DAP: variants seen among roughly 807,000 people sequenced by gnomAD.
The protein encoded by DAP is death-associated protein 1.
Under a neutral mutation model 13.8 loss-of-function variants are expected in DAP, and 8 were observed. That is an observed-to-expected ratio of 0.58 (90% CI 0.34 to 1.05). The LOEUF (loss-of-function observed/expected upper bound fraction) is 1.05, where lower values mean the gene tolerates loss of function less well. Ranked by LOEUF, DAP falls within the 50% of genes least tolerant of loss-of-function variation. DAP has a pLI of 0.03. For synonymous variants in DAP, 47 were observed against 47.5 expected, an observed-to-expected ratio of 0.99 and a Z score of 0.04; for missense variants, 106 against 133.2, an observed-to-expected ratio of 0.80 and a Z score of 1.01.
chr5:10,694,646 G>A (rs771616379), intron 2 of DAP, among the ~76,000 whole-genome samples: 15 of 152,228 alleles, frequency 9.9e-5, no homozygotes, highest in African/African-American at 2.4e-4. Context: ...GGTAGTCACA[G>A]TGTGTGCTTA....
chr5:10,740,838 C>T (rs1462226187), intron 2 of DAP, among the ~76,000 whole-genome samples: 2 of 152,150 alleles, frequency 1.3e-5, no homozygotes, highest in Admixed American at 6.5e-5. Flanking sequence ...ATAAAGGACA[C>T]CAGACAGAAT....
In DAP at chr5:10,719,326, T is replaced by TCA. The variant is rs1276273858; in HGVS notation, c.152+28848_152+28849insTG. 2.0e-5 allele frequency among the ~76,000 whole-genome samples: 3 copies of TCA among 152,224 alleles called. No individual in the cohort carries two copies. In the East Asian group the frequency reaches 5.8e-4, roughly 29 times the overall value. ...GGGCTCTGCAACAGGTCCAGGCTGC[T>TCA]ATGCAAGCTGCTCTGTCACTTGGGC... On this transcript the variant is annotated intron_variant, in intron 2 of 3. Coordinates refer to ENST00000230895, the MANE Select transcript of DAP (RefSeq NM_004394.3).
chr5:10,685,009 T>C (rs1172666338), intron 2 of DAP, among the ~76,000 whole-genome samples: 2 of 152,244 alleles, frequency 1.3e-5, no homozygotes, highest in Admixed American at 1.3e-4. Flanking sequence ...CCAGCTCTGC[T>C]TCTCCTCTGC....
chr5:10,746,921 C>T (rs553119756), intron 2 of DAP, among the ~76,000 whole-genome samples: 2 of 152,304 alleles, frequency 1.3e-5, no homozygotes, highest in Admixed American at 6.5e-5. Context: ...ATTTGGAAGC[C>T]TAGCCCGCTG....
At chr5:10,731,085 G>T (rs93417) in intron 2 of DAP, among the ~76,000 whole-genome samples, 22,715 of 26,324 alleles carry the variant, frequency 0.86, 10,705 homozygotes, top group Non-Finnish European at 0.92. Context: ...AATCTTTCTG[G>T]ACTGAGAGCC....
chr5:10,723,988 T>C (rs571510795), intron 2 of DAP, among the ~76,000 whole-genome samples: 19 of 152,270 alleles, frequency 1.2e-4, no homozygotes, highest in African/African-American at 3.9e-4. Context: ...ATTGTTTGGG[T>C]GCAGAAAAAA....
chr5:10,753,380 G>A (rs1395343752), intron 1 of DAP, among the ~76,000 whole-genome samples: 1 of 152,204 alleles, frequency 6.6e-6, no homozygotes, highest in Non-Finnish European at 1.5e-5. Context: ...TAACTCAAAG[G>A]AACGGCCTAC....
intron 2 of DAP, chr5:10,733,947 A>T (rs1739538136): frequency 6.6e-6 from 1 of 152,244 alleles, no homozygotes; most frequent in South Asian, 2.1e-4. Context: ...AATGTAATAA[A>T]CTCAATAAGG....
rs1390135528 is a variant in DAP at position 10,707,545 on chromosome 5, C to T, written c.153-23974G>A. 6.6e-6 allele frequency among the ~76,000 whole-genome samples: 1 copy of T among 150,572 alleles called. No individual in the cohort carries two copies. Among genetic ancestry groups the T allele is most frequent in the African/African-American group, 2.5e-5 (1 of 40,786 alleles). ...GGTGTGATGCATGGGTGCTGTGATG[C>T]AGGGGTGGTGTGATTTGCGATCAGT... On this transcript the variant is annotated intron_variant, in intron 2 of 3. Coordinates refer to ENST00000230895, the MANE Select transcript of DAP (RefSeq NM_004394.3). This position sits in a 1 kb window ranked among gnomAD's most constrained non-coding sequence, Gnocchi z 4.0.
chr5:10,685,959 T>C (rs1014902411), intron 2 of DAP, among the ~76,000 whole-genome samples: 3 of 152,242 alleles, frequency 2.0e-5, no homozygotes, highest in Non-Finnish European at 2.9e-5. Context: ...CCTTGTTTTA[T>C]GGCATCTGCT....
At chr5:10,714,063 G>C (rs974221997) in intron 2 of DAP, among the ~76,000 whole-genome samples, 6 of 152,242 alleles carry the variant, frequency 3.9e-5, no homozygotes, top group Admixed American at 3.9e-4. Flanking sequence ...CACACCTTTG[G>C]AAAGTTGTCT....
intron 2 of DAP, among the ~76,000 whole-genome samples, chr5:10,744,510 C>T (rs769405174): frequency 1.4e-4 from 22 of 152,102 alleles, no homozygotes; most frequent in African/African-American, 2.7e-4. Flanking sequence ...GTTTGAGGAG[C>T]GCAGACAAGG....
At chr5:10,758,979 G>C (rs1740268501) in intron 1 of DAP, among the ~76,000 whole-genome samples, 1 of 152,198 alleles carries the variant, frequency 6.6e-6, no homozygotes, top group Non-Finnish European at 1.5e-5. Flanking sequence ...CTGAAGTCAG[G>C]AGTTCAAGAC....
At chr5:10,738,024 G>A (rs1170501619) in intron 2 of DAP, among the ~76,000 whole-genome samples, 1 of 152,236 alleles carries the variant, frequency 6.6e-6, no homozygotes, top group Non-Finnish European at 1.5e-5. Context: ...GGATGCCAGA[G>A]ATTGCAGAAA....
rs115016288 is a variant in DAP, at chr5:10,745,394, A to G, written c.152+2781T>C. 5.9e-3 allele frequency among the ~76,000 whole-genome samples: 895 copies of G among 152,308 alleles called. 4 individuals are homozygous for G. Among genetic ancestry groups the G allele is most frequent in the Middle Eastern group, 0.01 (3 of 288 alleles). On this transcript the variant is annotated intron_variant, in intron 2 of 3. Transcript: ENST00000230895. ...TCCTAGCAATTTGGCTGCAGGGAAC[A>G]ACAACAACAAAAGCCTTGCTCATGT...
chr5:10,751,262 AAAAGCC>A (rs745605393), intron 1 of DAP, among the ~76,000 whole-genome samples: 3 of 152,232 alleles, frequency 2.0e-5, no homozygotes, highest in Non-Finnish European at 2.9e-5. Flanking sequence ...TAAAAAAGCA[AAAAGCC>A]AAAGACAAAA....
rs71613386 is a variant in DAP, at chr5:10,698,282, C to CAAAAA, written c.153-14716_153-14712dup. Among the ~76,000 whole-genome samples the CAAAAA allele has an allele frequency of 3.7e-3, 160 of 42,704 alleles. 1 individual carries two copies. The highest frequency in any genetic ancestry group is 0.024 in the Middle Eastern group (1 of 42). The allele number at this position is 42,704 out of a possible 152,430, so 28.0% of individuals were successfully genotyped here. ...GCACTTGGGCCTTTTCCAGACTTAG[C>CAAAAA]AAAAAAAAAAAAAAAAAAAAAAAAA... On this transcript the variant is annotated intron_variant, in intron 2 of 3. Transcript: ENST00000230895.
intron 2 of DAP, among the ~76,000 whole-genome samples, chr5:10,708,135 A>G (rs1738745038): frequency 6.6e-6 from 1 of 152,190 alleles, no homozygotes; most frequent in South Asian, 2.1e-4. Flanking sequence ...AACTGAAATG[A>G]CCACTTTGAG....
intron 1 of DAP, among the ~76,000 whole-genome samples, chr5:10,758,650 C>G (rs1740260534): frequency 6.6e-6 from 1 of 152,174 alleles, no homozygotes; most frequent in Admixed American, 6.5e-5. Context: ...ACAGCCCCAC[C>G]CTGTGACTTG....
Sources: gnomAD v4.1 joint callset for allele counts (sites outside exome capture counted in the v4.1 genomes callset) on GRCh38, gnomAD v4.1.1 for gene constraint, Gnocchi (gnomAD v3.1) non-coding constraint, MANE v1.5 for transcripts, NCBI Gene and HGNC (gene_info 2026-07-23, HGNC 2026-07-21) for gene names.